Variants in TRAPPC9 observed in about 807,000 individuals in gnomAD.
TRAPPC9 encodes the protein trafficking protein particle complex subunit 9.
TRAPPC9 carries 83 observed loss-of-function variants against 124.0 expected under a neutral mutation model. The observed-to-expected ratio is 0.67, with a 90% CI of 0.56 to 0.80. The LOEUF is 0.80. Ranked by LOEUF, TRAPPC9 falls within the 30% of genes least tolerant of loss-of-function variation. The probability of loss-of-function intolerance (pLI) is 0.00; values close to 1 mark genes in which losing one functional copy is unlikely to be tolerated. For synonymous variants in TRAPPC9, 638 were observed against 617.5 expected (o/e 1.03, Z -0.49); for missense variants, 1,302 against 1,508.3 (o/e 0.86, Z 2.27).
intron 18 of TRAPPC9, among the ~76,000 whole-genome samples, chr8:140,015,562 T>C (rs184845251): frequency 1.1e-4 from 16 of 152,044 alleles, no homozygotes; most frequent in African/African-American, 3.1e-4. Context: ...CCGAGGTGGG[T>C]GGATCACTTG....
At chr8:140,094,279 G>C (rs1293827505) in intron 17 of TRAPPC9, among the ~76,000 whole-genome samples, 1 of 152,222 alleles carries the variant, frequency 6.6e-6, no homozygotes, top group South Asian at 2.1e-4. Flanking sequence ...CATCCCAGGA[G>C]TACAAAAGGG....
At chr8:140,109,847 G>C (rs907444593) in intron 17 of TRAPPC9, among the ~76,000 whole-genome samples, 1 of 152,222 alleles carries the variant, frequency 6.6e-6, no homozygotes. Flanking sequence ...CAGCCTGCCT[G>C]TTTCCTGGTC....
At chr8:140,069,378 C>T (rs1412564347) in intron 17 of TRAPPC9, among the ~76,000 whole-genome samples, 1 of 152,108 alleles carries the variant, frequency 6.6e-6, no homozygotes. Flanking sequence ...TGTGATCCAC[C>T]TTAAACGGCG....
At chr8:140,131,990 G>A (rs551257290) in intron 17 of TRAPPC9, among the ~76,000 whole-genome samples, 1 of 152,308 alleles carries the variant, frequency 6.6e-6, no homozygotes, top group South Asian at 2.1e-4. Flanking sequence ...CCCCCAATGA[G>A]GACATCTCTC....
intron 9 of TRAPPC9, among the ~76,000 whole-genome samples, chr8:140,326,161 C>T (rs749001035): frequency 5.5e-5 from 8 of 146,774 alleles, no homozygotes; most frequent in Non-Finnish European, 9.0e-5. Flanking sequence ...CCGAGGCGGG[C>T]GGATCATGAG....
chr8:140,304,720 G>C (rs1334365061), intron 10 of TRAPPC9, among the ~76,000 whole-genome samples: 1 of 152,218 alleles, frequency 6.6e-6, no homozygotes, highest in African/African-American at 2.4e-5. Context: ...AGCTCTTCTT[G>C]ATGCCTGAGA....
chr8:140,122,084 T>A (rs1214905353), intron 17 of TRAPPC9, among the ~76,000 whole-genome samples: 1 of 151,414 alleles, frequency 6.6e-6, no homozygotes, highest in Non-Finnish European at 1.5e-5. Context: ...TCCTACACTG[T>A]CTTTGAGGAT....
At chr8:140,303,812 G>A (rs1031398567) in intron 10 of TRAPPC9, among the ~76,000 whole-genome samples, 7 of 152,164 alleles carry the variant, frequency 4.6e-5, no homozygotes, top group African/African-American at 1.7e-4. Context: ...CCTGTATATT[G>A]CTAAAATAGT....
chr8:140,320,004 T>C (rs527379321), intron 9 of TRAPPC9, among the ~76,000 whole-genome samples: 3 of 151,990 alleles, frequency 2.0e-5, no homozygotes, highest in Non-Finnish European at 2.9e-5. Flanking sequence ...AGGTAGAGAA[T>C]AGAAAGAGGG....
At position 139,855,910 on chromosome 8, in the gene TRAPPC9, G is replaced by C. The variant is rs116748153; in HGVS notation, c.3055+29969C>G. ...AAACCTGGGTCCCCCACAGAACTAG[G>C]GGGCAGTGAGGCCTGGTAAAAAGCA... On this transcript the variant is annotated intron_variant, in intron 21 of 22. Coordinates refer to ENST00000438773, the MANE Select transcript of TRAPPC9 (RefSeq NM_001160372.4). Among the ~76,000 whole-genome samples the C allele has an allele frequency of 5.2e-3, 787 of 152,300 alleles. 15 individuals carry two copies. The highest frequency in any genetic ancestry group is 0.018 in the African/African-American group (745 of 41,552).
intron 20 of TRAPPC9, among the ~76,000 whole-genome samples, chr8:139,898,174 G>A (rs530035205): frequency 6.6e-6 from 1 of 152,352 alleles, no homozygotes; most frequent in East Asian, 1.9e-4. Flanking sequence ...AGGAAGAGCA[G>A]CCCCAAATAT....
intron 19 of TRAPPC9, among the ~76,000 whole-genome samples, chr8:139,939,446 G>T (rs542415234): frequency 6.6e-6 from 1 of 152,196 alleles, no homozygotes; most frequent in African/African-American, 2.4e-5. Context: ...CCAGCACGCC[G>T]CATGGGGCTA....
intron 16 of TRAPPC9, among the ~76,000 whole-genome samples, chr8:140,232,069 C>A (rs1312625309): frequency 1.3e-5 from 2 of 151,494 alleles, no homozygotes; most frequent in Admixed American, 6.6e-5. Flanking sequence ...CCACTGTGCC[C>A]AGCCTGTTTT....
At chr8:140,436,459 T>C (rs2070817667) in intron 3 of TRAPPC9, among the ~76,000 whole-genome samples, 1 of 152,248 alleles carries the variant, frequency 6.6e-6, no homozygotes, top group South Asian at 2.1e-4. Flanking sequence ...TTATTTGACA[T>C]GTTCACACAT....
chr8:139,986,993 A>G (rs187396417), intron 19 of TRAPPC9, among the ~76,000 whole-genome samples: 288 of 152,302 alleles, frequency 1.9e-3, no homozygotes, highest in Non-Finnish European at 3.5e-4. Flanking sequence ...AACCTACAGC[A>G]TTTCGTATCA....
Position 139,748,171 on chromosome 8 carries a change from G to A in TRAPPC9, c.3056-15969C>T, listed in dbSNP as rs187700855. ...GCGTACAGGGGTCAGAGTGGGTGTGGGGGTGTCCCGGGGTCAGAGCAGGTG... is the reference window on the plus strand; with the variant it reads ...GCGTACAGGGGTCAGAGTGGGTGTGAGGGTGTCCCGGGGTCAGAGCAGGTG... On this transcript the variant is annotated intron_variant, in intron 21 of 22. Coordinates refer to ENST00000438773, the MANE Select transcript of TRAPPC9 (RefSeq NM_001160372.4). Among the ~76,000 whole-genome samples the A allele has an allele frequency of 3.8e-3, 164 of 43,028 alleles. 1 individual carries two copies. The highest frequency in any genetic ancestry group is 5.5e-3 in the African/African-American group (36 of 6,514). 28.2% of individuals were successfully genotyped at this position (43,028 alleles called of 152,430 possible). A position where few individuals can be genotyped will look rare whatever the true frequency, so the allele number is the denominator to read the frequency against.
intron 17 of TRAPPC9, among the ~76,000 whole-genome samples, chr8:140,185,474 G>T (rs2062331219): frequency 6.6e-6 from 1 of 152,224 alleles, no homozygotes; most frequent in Admixed American, 6.5e-5. Flanking sequence ...AGGCCTAACA[G>T]GGCAGCTCTA....
At chr8:139,827,984 C>G (rs1825749789) in intron 21 of TRAPPC9, among the ~76,000 whole-genome samples, 1 of 152,192 alleles carries the variant, frequency 6.6e-6, no homozygotes, top group Non-Finnish European at 1.5e-5. Context: ...TGAACTCACT[C>G]ATCACTGAGG....
intron 9 of TRAPPC9, among the ~76,000 whole-genome samples, chr8:140,351,891 C>T (rs1228170982): frequency 1.3e-5 from 2 of 152,150 alleles, no homozygotes; most frequent in Non-Finnish European, 2.9e-5. Context: ...ATATAATTCA[C>T]ATAGCAGTTG....
Sources: gnomAD v4.1 joint callset for allele counts (sites outside exome capture counted in the v4.1 genomes callset) on GRCh38, gnomAD v4.1.1 for gene constraint, MANE v1.5 for transcripts, NCBI Gene and HGNC (gene_info 2026-07-23, HGNC 2026-07-21) for gene names.